TSPEAR: variants seen among roughly 807,000 people sequenced by gnomAD.
The protein encoded by TSPEAR is thrombospondin type laminin G domain and EAR repeats.
TSPEAR carries 69 observed loss-of-function variants against 71.6 expected under a neutral mutation model. That is an observed-to-expected ratio of 0.96 (90% CI 0.79 to 1.18). TSPEAR has a LOEUF of 1.18. Among genes scored for constraint, TSPEAR ranks in the 50% most tolerant of loss-of-function variants. TSPEAR has a pLI of 0.00. For missense variants in TSPEAR, 971 were observed against 894.9 expected, an observed-to-expected ratio of 1.09 and a Z score of -1.09; for synonymous variants, 402 against 387.2, an observed-to-expected ratio of 1.04 and a Z score of -0.45.
At chr21:44,557,057 G>A (rs183575479) in intron 2 of TSPEAR, among the ~76,000 whole-genome samples, 14 of 152,284 alleles carry the variant, frequency 9.2e-5, no homozygotes, top group Admixed American at 3.9e-4. Flanking sequence ...TGCATCTCGC[G>A]CTACCATAAT....
chr21:44,709,405 G>T (rs1988101761), intron 1 of TSPEAR, among the ~76,000 whole-genome samples: 1 of 152,236 alleles, frequency 6.6e-6, no homozygotes, highest in African/African-American at 2.4e-5. Flanking sequence ...GGCTGGAGCC[G>T]CCTGAAAATC....
At chr21:44,660,664 A>C (rs1569245871) in intron 1 of TSPEAR, among the ~76,000 whole-genome samples, 1 of 152,218 alleles carries the variant, frequency 6.6e-6, no homozygotes, top group Non-Finnish European at 1.5e-5. Flanking sequence ...TTGAATCCAC[A>C]CAAAGAAAAG....
At chr21:44,675,569 C>T (rs587631716) in intron 1 of TSPEAR, among the ~76,000 whole-genome samples, 53 of 151,884 alleles carry the variant, frequency 3.5e-4, no homozygotes, top group South Asian at 1.2e-3. Flanking sequence ...CAGTTTGCTC[C>T]GAGGGCAAAA....
intron 1 of TSPEAR, chr21:44,681,581 T>G (rs1986591295): frequency 4.2e-6 from 2 of 475,780 alleles, no homozygotes; most frequent in African/African-American, 1.9e-5. Flanking sequence ...CAGAGTTGCA[T>G]GGGGAAAGCT....
At chr21:44,556,202 C>G (rs1231774092) in intron 2 of TSPEAR, among the ~76,000 whole-genome samples, 10 of 151,634 alleles carry the variant, frequency 6.6e-5, no homozygotes, top group African/African-American at 2.2e-4. Flanking sequence ...GTGGTGAAAC[C>G]CAGTCTCTAC....
At chr21:44,627,073 C>T in intron 1 of TSPEAR, 1 of 1,540,248 alleles carries the variant, frequency 6.5e-7, no homozygotes, top group Non-Finnish European at 8.8e-7. Context: ...GTATAAAAGC[C>T]TGAGAGCCCC....
intron 1 of TSPEAR, among the ~76,000 whole-genome samples, chr21:44,634,517 T>C (rs116092504): frequency 0.019 from 2,833 of 152,178 alleles, 88 homozygotes; most frequent in African/African-American, 0.065. Flanking sequence ...GTTTTGTGCA[T>C]CAAAGGACAC....
rs1034805099 is a variant in TSPEAR, at chr21:44,687,729, C to T, written c.82+23704G>A. Reference sequence around the variant, plus strand: ...TCCCAGCCAGGAGGGAAGCCAGGACCACCCTCTCCCCTGGGCCTTGAGGGG... The same window carrying T: ...TCCCAGCCAGGAGGGAAGCCAGGACTACCCTCTCCCCTGGGCCTTGAGGGG... On this transcript the variant is annotated intron_variant, in intron 1 of 11. Transcript: ENST00000323084. This position sits in a 1 kb window ranked among gnomAD's most constrained non-coding sequence, Gnocchi z 4.4. 2.6e-5 allele frequency among the ~76,000 whole-genome samples: 4 copies of T among 152,276 alleles called. No homozygotes were observed. Among genetic ancestry groups the T allele is most frequent in the Admixed American group, 1.3e-4 (2 of 15,304 alleles).
At chr21:44,679,175 C>T (rs2146293609) in intron 1 of TSPEAR, among the ~76,000 whole-genome samples, 1 of 152,236 alleles carries the variant, frequency 6.6e-6, no homozygotes, top group East Asian at 1.9e-4. Context: ...GTTTTAAGTC[C>T]TTATTAAATG....
intron 10 of TSPEAR, 30 bp downstream of exon 10, chr21:44,509,169 C>A: frequency 6.2e-7 from 1 of 1,603,592 alleles, no homozygotes; most frequent in Non-Finnish European, 8.5e-7. Context: ...GAGATCAGCC[C>A]ACCTCCCACT....
At chr21:44,539,650 A>G (rs372043649) in intron 2 of TSPEAR, 9 of 1,596,182 alleles carry the variant, frequency 5.6e-6, no homozygotes, top group Non-Finnish European at 7.7e-6. Context: ...GATGGCAGCT[A>G]GACTGCTGGC....
intron 1 of TSPEAR, chr21:44,574,615 C>A (rs782365750): frequency 7.7e-7 from 1 of 1,294,556 alleles, no homozygotes; most frequent in African/African-American, 1.5e-5. Context: ...CCTGTCTGCT[C>A]TGTGCCCATC....
intron 1 of TSPEAR, among the ~76,000 whole-genome samples, chr21:44,599,572 T>C (rs913471115): frequency 6.6e-5 from 10 of 152,246 alleles, no homozygotes; most frequent in Non-Finnish European, 2.9e-5. Flanking sequence ...TTACTACCCC[T>C]TCACTTTCAC....
intron 1 of TSPEAR, among the ~76,000 whole-genome samples, chr21:44,643,034 A>T (rs1984105861): frequency 6.6e-6 from 1 of 152,194 alleles, no homozygotes; most frequent in Non-Finnish European, 1.5e-5. Context: ...AGATGAGTGG[A>T]TAAAGAAAAT....
At chr21:44,688,175 G>A (rs1362297462) in intron 1 of TSPEAR, among the ~76,000 whole-genome samples, 1 of 143,786 alleles carries the variant, frequency 7.0e-6, no homozygotes, top group Non-Finnish European at 1.5e-5. Flanking sequence ...TTGGAGAATT[G>A]GGCTATGATC....
rs190980129 is a variant in TSPEAR, at chr21:44,576,061, G to A, written c.83-8056C>T. 2.1e-4 allele frequency among the ~76,000 whole-genome samples: 32 copies of A among 152,310 alleles called. No homozygotes were observed. The East Asian group carries it at 5.8e-3, about 28-fold the overall frequency. ...TAAAAATTATATTTGGAATAATGAT[G>A]TGTTGTAACCACTGGAAGAAGTGCC... On this transcript the variant is annotated intron_variant, in intron 1 of 11. Coordinates refer to ENST00000323084, the MANE Select transcript of TSPEAR (RefSeq NM_144991.3).
chr21:44,514,538 A>C (rs2052497891), intron 9 of TSPEAR, among the ~76,000 whole-genome samples: 1 of 152,196 alleles, frequency 6.6e-6, no homozygotes, highest in Non-Finnish European at 1.5e-5. Context: ...CAATCACAGA[A>C]GCACCAAGCT....
intron 1 of TSPEAR, among the ~76,000 whole-genome samples, chr21:44,576,578 G>A (rs185291478): frequency 6.6e-6 from 1 of 152,306 alleles, no homozygotes; most frequent in Non-Finnish European, 1.5e-5. Flanking sequence ...TGTGTTGATT[G>A]CAACCCATGG....
intron 2 of TSPEAR, chr21:44,539,200 G>C: frequency 6.6e-7 from 1 of 1,521,476 alleles, no homozygotes; most frequent in East Asian, 2.3e-5. Flanking sequence ...ACGGGGACCC[G>C]TCCTAGGTGG....
Sources: allele counts gnomAD v4.1 joint callset (sites outside exome capture counted in the v4.1 genomes callset), GRCh38; gene constraint gnomAD v4.1.1; non-coding constraint Gnocchi (gnomAD v3.1); transcripts MANE v1.5; gene names NCBI Gene and HGNC (gene_info 2026-07-23, HGNC 2026-07-21).